FNTA: variants seen among roughly 807,000 people sequenced by gnomAD.
The protein encoded by FNTA is farnesyltransferase, CAAX box, subunit alpha.
FNTA carries 27 observed loss-of-function variants against 55.2 expected under a neutral mutation model. The observed-to-expected ratio is 0.49, with a 90% confidence interval of 0.36 to 0.67. FNTA has a LOEUF of 0.67. FNTA is among the 30% of genes least tolerant of loss of function. FNTA has a pLI of 0.00. For synonymous variants in FNTA, 176 were observed against 170.7 expected, an observed-to-expected ratio of 1.03 and a Z score of -0.24; for missense variants, 422 against 464.7, an observed-to-expected ratio of 0.91 and a Z score of 0.85.
intron 3 of FNTA, among the ~76,000 whole-genome samples, chr8:43,066,230 T>G (rs1383051494): frequency 1.3e-5 from 2 of 150,556 alleles, no homozygotes; most frequent in African/African-American, 5.0e-5. Context: ...ATTTTTAATT[T>G]GGGGGAGCTG....
At chr8:43,072,104 C>A in intron 4 of FNTA, 77 bp from the exon 5 acceptor site, 1 of 1,176,588 alleles carries the variant, frequency 8.5e-7, no homozygotes. Context: ...TTCATGTCAC[C>A]TTTACAACAT....
At chr8:43,080,944 A>C (rs1486132737) in intron 6 of FNTA, 4 of 152,220 alleles carry the variant, frequency 2.6e-5, no homozygotes, top group African/African-American at 9.6e-5. Flanking sequence ...ATAATTACCC[A>C]AGAATCTAAA....
At position 43,056,379 on chromosome 8, in the gene FNTA, G is replaced by C. The variant is rs770127943; in HGVS notation, c.33G>C (p.Ala11=). The change falls in exon 1 of 9, where the codon GCG becomes GCC. Residue 11 remains alanine, a synonymous_variant. Transcript: ENST00000302279. MAATEGVGEA[A]QGGEPGQPAQ... ...CCACCGAGGGGGTCGGGGAGGCTGC[G>C]CAAGGGGGCGAGCCCGGGCAGCCGG... is the stretch of plus-strand genomic sequence containing the variant. 6.8e-7 allele frequency: 1 copy of C among 1,475,188 alleles called. No individual in the cohort carries two copies. The highest frequency in any genetic ancestry group is 2.4e-5 in the Admixed American group (1 of 42,230). The allele number at this position is 1,475,188 out of a possible 1,614,324, so 91.4% of individuals were successfully genotyped here. A position where few individuals can be genotyped will look rare whatever the true frequency, so the allele number is the denominator to read the frequency against.
chr8:43,079,616 A>G (rs1312362416), intron 6 of FNTA: 1 of 152,270 alleles, frequency 6.6e-6, no homozygotes, highest in African/African-American at 2.4e-5. Flanking sequence ...TGCTGTTTTC[A>G]TGCCTGCGAA....
At chr8:43,062,405 C>T (rs1810556066) in intron 2 of FNTA, among the ~76,000 whole-genome samples, 1 of 151,882 alleles carries the variant, frequency 6.6e-6, no homozygotes, top group Non-Finnish European at 1.5e-5. Context: ...CCTCAGCCTT[C>T]TGAGTAGCTG....
intron 3 of FNTA, among the ~76,000 whole-genome samples, chr8:43,066,587 CGTGTGT>C (rs34748037): frequency 9.4e-5 from 14 of 148,678 alleles, no homozygotes; most frequent in Middle Eastern, 3.4e-3. Context: ...TAGCATCGTT[CGTGTGT>C]GTGTGTGTGT....
chr8:43,071,986 T>G (rs984032861), intron 4 of FNTA, among the ~76,000 whole-genome samples, 195 bp from the exon 5 acceptor site: 1 of 152,264 alleles, frequency 6.6e-6, no homozygotes, highest in Non-Finnish European at 1.5e-5. Flanking sequence ...CTACCAGATG[T>G]AGTTTGAGAT....
intron 4 of FNTA, among the ~76,000 whole-genome samples, chr8:43,070,832 T>C (rs1055762863): frequency 5.2e-5 from 8 of 152,384 alleles, no homozygotes; most frequent in African/African-American, 1.9e-4. Context: ...GTGTAACTCC[T>C]TAAATCCGAG....
chr8:43,063,737 C>G (rs576977997), intron 2 of FNTA, among the ~76,000 whole-genome samples: 1 of 152,108 alleles, frequency 6.6e-6, no homozygotes, highest in Non-Finnish European at 1.5e-5. Context: ...TGCCTTTGGG[C>G]ATATTTTTCA....
chr8:43,056,474 C>T lies in FNTA; in HGVS notation c.128C>T (p.Ala43Val), dbSNP rs778079356. 2.5e-5 allele frequency: 39 copies of T among 1,570,210 alleles called. No individual in the cohort carries two copies. The highest frequency in any genetic ancestry group is 3.4e-5 in the Non-Finnish European group (39 of 1,162,010). Residue 43 changes from alanine to valine, a missense_variant, in exon 1 of 9, where the codon GCT becomes GTT. Ala to Val is a moderately conservative substitution (Grantham distance 64). This residue lies in a region of FNTA where 160 missense variants were observed against 121.6 expected (regional missense o/e 1.32). Coordinates refer to ENST00000302279, the MANE Select transcript of FNTA (RefSeq NM_002027.3). ...CACAAGGAAGAGATGGCGGCCGAGG[C>T]TGGGGAAGCCGTGGCGTCCCCCATG... ...QQHKEEMAAEAGEAVASPMDD... is the reference protein window; with the variant it reads ...QQHKEEMAAEVGEAVASPMDD...
At chr8:43,061,888 T>A (rs1021801465) in intron 2 of FNTA, among the ~76,000 whole-genome samples, 2 of 151,956 alleles carry the variant, frequency 1.3e-5, no homozygotes, top group African/African-American at 4.8e-5. Context: ...CCTGGCTAAT[T>A]TTGCATTTTT....
At position 43,072,282 on chromosome 8, in the gene FNTA, G is replaced by A. The variant is rs1394066213; in HGVS notation, c.608G>A (p.Trp203Ter). 1 of 1,588,676 alleles carries A rather than the reference G, an allele frequency of 6.3e-7. No individual in the cohort carries two copies. Among genetic ancestry groups the A allele is most frequent in the African/African-American group, 1.4e-5 (1 of 73,594 alleles). The change falls in exon 5 of 9, where the codon TGG (tryptophan) becomes TAG (stop). Residue 203 changes from tryptophan to a stop codon, truncating the protein, a stop_gained. Transcript: ENST00000302279. LOFTEE classifies it high-confidence loss of function. ...LNQDAKNYHA[W>*]QHRQWVIQEF... The stretch of plus-strand genomic sequence containing the variant: ...CAGGATGCAAAGAATTATCATGCCT[G>A]GCAGCATCGACAATGGGTTATTCAG...
intron 6 of FNTA, chr8:43,080,142 A>T (rs1365267412): frequency 6.6e-6 from 1 of 152,278 alleles, no homozygotes; most frequent in African/African-American, 2.4e-5. Context: ...TGTAAATATT[A>T]CCTGAACTTA....
intron 2 of FNTA, among the ~76,000 whole-genome samples, chr8:43,060,183 T>C (rs188719376): frequency 6.6e-6 from 1 of 152,282 alleles, no homozygotes; most frequent in East Asian, 1.9e-4. Flanking sequence ...ACTCTCATAC[T>C]TTGAGAGATA....
At chr8:43,074,488 A>G (rs1171097669) in intron 5 of FNTA, among the ~76,000 whole-genome samples, 1 of 152,166 alleles carries the variant, frequency 6.6e-6, no homozygotes, top group Admixed American at 6.5e-5. Context: ...TCACGCCACC[A>G]CAGTCCATCC....
chr8:43,061,860 C>G (rs1244568100), intron 2 of FNTA, among the ~76,000 whole-genome samples: 5 of 152,042 alleles, frequency 3.3e-5, no homozygotes, highest in Non-Finnish European at 5.9e-5. Context: ...GCTGGGATTA[C>G]AGGCTTGCGA....
rs1355890424 is a variant in FNTA at position 43,056,391 on chromosome 8, G to C, written c.45G>C (p.Glu15Asp). Residue 15 changes from glutamate to aspartate, a missense_variant, in exon 1 of 9, where the codon GAG becomes GAC. Around this residue, in one of 2 missense-constraint regions of FNTA, gnomAD observed 160 missense variants for 121.6 expected, o/e 1.32. Transcript: ENST00000302279. The stretch of plus-strand genomic sequence containing the variant: ...TCGGGGAGGCTGCGCAAGGGGGCGA[G>C]CCCGGGCAGCCGGCGCAACCCCCGC... ...EGVGEAAQGG[E>D]PGQPAQPPPQ... The C allele has an allele frequency of 2.0e-6, 3 of 1,495,584 alleles. No individual in the cohort carries two copies. Among genetic ancestry groups the C allele is most frequent in the Admixed American group, 2.2e-5 (1 of 45,020 alleles). The allele number at this position is 1,495,584 out of a possible 1,614,324, so 92.6% of individuals were successfully genotyped here.
intron 4 of FNTA, among the ~76,000 whole-genome samples, 197 bp from the exon 5 acceptor site, chr8:43,071,984 T>C (rs1264381463): frequency 6.6e-6 from 1 of 152,258 alleles, no homozygotes; most frequent in Non-Finnish European, 1.5e-5. Flanking sequence ...TACTACCAGA[T>C]GTAGTTTGAG....
chr8:43,056,526 GC>G lies in FNTA; in HGVS notation c.183del (p.Ser62ProfsTer14). The G allele has an allele frequency of 6.4e-7, 1 of 1,555,750 alleles. No individual in the cohort carries two copies. On this transcript the variant is annotated frameshift_variant, in exon 1 of 9. Coordinates refer to ENST00000302279, the MANE Select transcript of FNTA (RefSeq NM_002027.3). LOFTEE classifies it high-confidence loss of function. The stretch of plus-strand genomic sequence containing the variant: ...ACGACGGGTTTGTGAGCCTGGACTC[GC>G]CCTCCTATGTCCTGTACAGGTAACG... Reference protein sequence around the residue: ...MDDGFVSLDSPSYVLYRDRAE... With the variant: ...MDDGFVSLDSXSYVLYRDRAE...
Sources: allele counts gnomAD v4.1 joint callset (sites outside exome capture counted in the v4.1 genomes callset), GRCh38; gene constraint gnomAD v4.1.1; regional missense constraint gnomAD v4.1.1; transcripts MANE v1.5; gene names NCBI Gene and HGNC (gene_info 2026-07-23, HGNC 2026-07-21).